Variants in ITSN2 observed in about 807,000 individuals in gnomAD.
The protein encoded by ITSN2 is intersectin 2, also known as intersectin-2.
ITSN2 carries 156 observed loss-of-function variants against 243.7 expected under a neutral mutation model. The ratio of observed to expected loss-of-function variants is 0.64; its 90% confidence interval spans 0.56 to 0.73. The LOEUF (loss-of-function observed/expected upper bound fraction) is 0.73, where lower values mean the gene tolerates loss of function less well. ITSN2 is among the 30% of genes least tolerant of loss of function. ITSN2 has a pLI of 0.00. For synonymous variants in ITSN2, 703 were observed against 699.9 expected (o/e 1.00, Z -0.07); for missense variants, 1,801 against 1,996.1 (o/e 0.90, Z 1.86).
chr2:24,218,637 G>C (rs1308609338), intron 30 of ITSN2, among the ~76,000 whole-genome samples: 1 of 152,144 alleles, frequency 6.6e-6, no homozygotes, highest in Non-Finnish European at 1.5e-5. Context: ...AGCTTCACGG[G>C]TGATGGAGGC....
At chr2:24,283,336 C>T (rs543473921) in intron 17 of ITSN2, among the ~76,000 whole-genome samples, 5 of 152,146 alleles carry the variant, frequency 3.3e-5, no homozygotes, top group Admixed American at 2.0e-4. Flanking sequence ...GCGATTCTCC[C>T]GTCTCAGCTT....
At chr2:24,304,965 C>G (rs543378213) in intron 8 of ITSN2, among the ~76,000 whole-genome samples, 17 of 152,282 alleles carry the variant, frequency 1.1e-4, no homozygotes, top group African/African-American at 4.1e-4. Context: ...GCTTAGAATG[C>G]CAGACCCTCA....
At chr2:24,356,259 G>A (rs1214635662) in intron 1 of ITSN2, among the ~76,000 whole-genome samples, 3 of 150,684 alleles carry the variant, frequency 2.0e-5, no homozygotes, top group African/African-American at 4.9e-5. Context: ...CAGCTACTTG[G>A]GAGGTGAACC....
At chr2:24,308,505 G>T in intron 8 of ITSN2, 112 bp downstream of exon 8, 1 of 622,050 alleles carries the variant, frequency 1.6e-6, no homozygotes, top group Non-Finnish European at 2.5e-6. Flanking sequence ...TAAATTTTTT[G>T]GATGTTAAAA....
chr2:24,213,962 G>GT (rs1247640802), intron 32 of ITSN2, among the ~76,000 whole-genome samples: 1 of 152,226 alleles, frequency 6.6e-6, no homozygotes, highest in African/African-American at 2.4e-5. Context: ...ATAGTAATGT[G>GT]TTGGTCTCTG....
intron 2 of ITSN2, among the ~76,000 whole-genome samples, chr2:24,317,753 T>C (rs1457207568): frequency 6.6e-6 from 1 of 152,214 alleles, no homozygotes; most frequent in Non-Finnish European, 1.5e-5. Flanking sequence ...CAGCCTCTGA[T>C]TTAGACTGAA....
At chr2:24,216,376 G>C (rs1669954600) in intron 31 of ITSN2, 144 bp from the exon 32 acceptor site, 1 of 625,134 alleles carries the variant, frequency 1.6e-6, no homozygotes. Flanking sequence ...TCAAGAGGAA[G>C]AGGAGATAGC....
intron 24 of ITSN2, among the ~76,000 whole-genome samples, chr2:24,253,849 TA>T (rs1313885076): frequency 6.6e-6 from 1 of 152,192 alleles, no homozygotes; most frequent in African/African-American, 2.4e-5. Flanking sequence ...AACTATTAAA[TA>T]AAAATATCCT....
intron 18 of ITSN2, among the ~76,000 whole-genome samples, chr2:24,272,610 CT>C (rs925724234): frequency 5.9e-5 from 9 of 151,802 alleles, no homozygotes; most frequent in Non-Finnish European, 1.3e-4. Flanking sequence ...TTTTTAATTT[CT>C]TTTTTATAAA....
rs376221823 is a variant in ITSN2, at chr2:24,248,658, T to C, written c.3259A>G (p.Thr1087Ala). The C allele has an allele frequency of 3.1e-6, 5 of 1,610,316 alleles. No homozygotes were observed. The African/African-American group carries it at 6.7e-5, about 22-fold the overall frequency. The change falls in exon 27 of 40, where the codon ACA (threonine) becomes GCA (alanine). Residue 1087 changes from threonine to alanine, a missense_variant. Thr to Ala is a moderately conservative substitution (Grantham distance 58). Coordinates refer to ENST00000355123, the MANE Select transcript of ITSN2 (RefSeq NM_006277.3). ...AACTCTCCTTGCCACCACCCACTTG[T>C]ATTTTTCTTTAGAATTAATATTAAC... is the stretch of plus-strand genomic sequence containing the variant. ...GQLILILKKNTSGWWQGELQA... is the reference protein window; with the variant it reads ...GQLILILKKNASGWWQGELQA...
Position 24,312,248 on chromosome 2 carries a change from G to T in ITSN2, c.316C>A (p.Pro106Thr). 1 of 1,612,588 alleles carries T rather than the reference G, an allele frequency of 6.2e-7. No individual in the cohort carries two copies. The highest frequency in any genetic ancestry group is 2.2e-5 in the East Asian group (1 of 44,824). ...GAAATTAATGGAGAAAACATAGGGG[G>T]TTGCTTCATAATAGGAGGGAGAACC... ...PVVLPPIMKQ[P>T]PMFSPLISAR... The change falls in exon 5 of 40, where the codon CCC becomes ACC. Residue 106 changes from proline (P) to threonine (T), a missense_variant. By Grantham distance (38) the Pro-to-Thr change is conservative (BLOSUM62 -1). Coordinates refer to ENST00000355123, the MANE Select transcript of ITSN2 (RefSeq NM_006277.3).
At chr2:24,217,754 A>G (rs552171072) in intron 31 of ITSN2, among the ~76,000 whole-genome samples, 153 bp downstream of exon 31, 10 of 152,306 alleles carry the variant, frequency 6.6e-5, no homozygotes, top group Admixed American at 1.3e-4. Flanking sequence ...CAGTCACAGG[A>G]TATTTCATAA....
chr2:24,347,881 T>G (rs1046718475), intron 1 of ITSN2, among the ~76,000 whole-genome samples: 1 of 152,086 alleles, frequency 6.6e-6, no homozygotes, highest in African/African-American at 2.4e-5. Flanking sequence ...AAGACCAGCC[T>G]AGGAACATAG....
chr2:24,293,680 A>C lies in ITSN2; in HGVS notation c.1723+8T>G. The C allele has an allele frequency of 1.0e-6, 1 of 958,120 alleles. No homozygotes were observed. Among genetic ancestry groups the C allele is most frequent in the Non-Finnish European group, 1.6e-6 (1 of 628,596 alleles). The allele number at this position is 958,120 out of a possible 1,614,324, so 59.4% of individuals were successfully genotyped here. On this transcript the variant is annotated splice_region_variant and intron_variant, in intron 15 of 39. Transcript: ENST00000355123. The stretch of plus-strand genomic sequence containing the variant: ...ATAAAAGTAATCAGACAAACCTTAG[A>C]GACTTACCAGGTGTGTTACTGAACT...
chr2:24,244,087 G>C (rs1443488664), intron 29 of ITSN2, among the ~76,000 whole-genome samples: 1 of 152,116 alleles, frequency 6.6e-6, no homozygotes, highest in East Asian at 1.9e-4. Flanking sequence ...AGCATTTTCT[G>C]GGCAAAAGTA....
At chr2:24,311,062 TACACAC>T (rs71397421) in intron 5 of ITSN2, among the ~76,000 whole-genome samples, 2 of 147,884 alleles carry the variant, frequency 1.4e-5, no homozygotes, top group Non-Finnish European at 3.0e-5. Flanking sequence ...ACTTGACTAA[TACACAC>T]ACACACACAC....
intron 20 of ITSN2, among the ~76,000 whole-genome samples, chr2:24,267,788 C>T (rs1676854737): frequency 6.6e-6 from 1 of 152,166 alleles, no homozygotes; most frequent in Non-Finnish European, 1.5e-5. Flanking sequence ...AACGCCAGTA[C>T]CTACGTGATA....
Position 24,211,863 on chromosome 2 carries a change from G to A in ITSN2, c.4089+787C>T, listed in dbSNP as rs973426644. ...AATTCTGAAACACATCTGGCCCCAA[G>A]TATTTCAATGAAGGGGCTGTGAACC... On this transcript the variant is annotated intron_variant, in intron 33 of 39. Transcript: ENST00000355123. This position sits in a 1 kb window ranked among gnomAD's most constrained non-coding sequence, Gnocchi z 4.1. 3.9e-5 allele frequency among the ~76,000 whole-genome samples: 6 copies of A among 152,168 alleles called. No individual in the cohort carries two copies. The highest frequency in any genetic ancestry group is 1.4e-4 in the African/African-American group (6 of 41,438).
chr2:24,239,963 T>C (rs530281812), intron 29 of ITSN2: 76 of 152,114 alleles, frequency 5.0e-4, no homozygotes, highest in Non-Finnish European at 8.4e-4. Flanking sequence ...CTGATGAACA[T>C]ATTATTTTCA....
Sources: allele counts gnomAD v4.1 joint callset (sites outside exome capture counted in the v4.1 genomes callset), GRCh38; gene constraint gnomAD v4.1.1; non-coding constraint Gnocchi (gnomAD v3.1); transcripts MANE v1.5; gene names NCBI Gene and HGNC (gene_info 2026-07-23, HGNC 2026-07-21).